The following KCNT1 variants were observed in gnomAD, a reference collection of about 807,000 sequenced individuals.
The protein encoded by KCNT1 is potassium sodium-activated channel subfamily T member 1.
Under a neutral mutation model 147.8 loss-of-function variants are expected in KCNT1, and 78 were observed. That is an observed-to-expected ratio of 0.53 (90% CI 0.44 to 0.64). The LOEUF (loss-of-function observed/expected upper bound fraction) is 0.64, where lower values mean the gene tolerates loss of function less well. Ranked by LOEUF, KCNT1 falls within the 30% of genes least tolerant of loss-of-function variation. KCNT1 has a pLI of 0.00. For missense variants in KCNT1, 1,419 were observed against 1,750.3 expected (o/e 0.81, Z 3.38); for synonymous variants, 867 against 748.8 (o/e 1.16, Z -2.58).
intron 2 of KCNT1, among the ~76,000 whole-genome samples, chr9:135,743,896 C>T (rs1203413238): frequency 1.3e-5 from 2 of 152,268 alleles, no homozygotes; most frequent in Admixed American, 6.5e-5. Flanking sequence ...TGTGCCCTTT[C>T]TGGGCCCTTG....
intron 30 of KCNT1, 57 bp from the exon 31 acceptor site, chr9:135,791,984 C>T (rs1416943033): frequency 8.7e-6 from 14 of 1,605,772 alleles, no homozygotes; most frequent in Non-Finnish European, 1.1e-5. Flanking sequence ...CAGCAGAGGG[C>T]TGAGCAGGGG....
intron 5 of KCNT1, 47 bp downstream of exon 5, chr9:135,754,040 G>A (rs750884445): frequency 5.7e-6 from 9 of 1,566,356 alleles, no homozygotes; most frequent in Non-Finnish European, 7.0e-6. Flanking sequence ...CAGAGGCCTG[G>A]GACCAGGGTG....
intron 24 of KCNT1, 145 bp downstream of exon 24, chr9:135,779,615 G>A: frequency 3.1e-6 from 2 of 647,788 alleles, no homozygotes; most frequent in Non-Finnish European, 5.4e-6. Context: ...TGGCGTGGGG[G>A]GCCCAGCATG....
In KCNT1 at chr9:135,795,483, C is replaced by G. The variant is rs1375788882; in HGVS notation, c.*3322C>G. The G allele has an allele frequency of 6.6e-6, 1 of 152,110 alleles. No individual in the cohort carries two copies. Among genetic ancestry groups the G allele is most frequent in the African/African-American group, 2.4e-5 (1 of 41,424 alleles). The allele number at this position is 152,110 out of a possible 1,614,324, so 9.4% of individuals were successfully genotyped here. A position where few individuals can be genotyped will look rare whatever the true frequency, so the allele number is the denominator to read the frequency against. On this transcript the variant is annotated 3_prime_UTR_variant, in exon 31 of 31. Transcript: ENST00000371757. Reference sequence around the variant, plus strand: ...AACAAAAAAGAAAAAGAAAATAAAACTGTTTGCTCAAAATCAGAATACCAA... The same window carrying G: ...AACAAAAAAGAAAAAGAAAATAAAAGTGTTTGCTCAAAATCAGAATACCAA...
intron 2 of KCNT1, among the ~76,000 whole-genome samples, chr9:135,715,478 G>A (rs1835685898): frequency 6.6e-6 from 1 of 151,024 alleles, no homozygotes; most frequent in Admixed American, 6.6e-5. Flanking sequence ...GGAGCCCGCG[G>A]GGGCTTCAGG....
At position 135,714,407 on chromosome 9, in the gene KCNT1, G is replaced by GC. The variant is rs1320206305; in HGVS notation, c.111-165dup. 1 of 179,022 alleles carries GC rather than the reference G, an allele frequency of 5.6e-6. No individual in the cohort carries two copies. The highest frequency in any genetic ancestry group is 1.1e-5 in the Non-Finnish European group (1 of 94,934). 11.1% of individuals were successfully genotyped at this position (179,022 alleles called of 1,614,324 possible). On this transcript the variant is annotated intron_variant, in intron 1 of 30. Coordinates refer to ENST00000371757, the MANE Select transcript of KCNT1 (RefSeq NM_020822.3). This position sits in a 1 kb window ranked among gnomAD's most constrained non-coding sequence, Gnocchi z 6.2. ...CAGCCCGGCGCAGCCGGTCCCGCGC[G>GC]CCCCCGCCCGCATGTGCCGCCAGGC...
At chr9:135,712,518 G>A (rs1032441439) in intron 1 of KCNT1, among the ~76,000 whole-genome samples, 3 of 152,102 alleles carry the variant, frequency 2.0e-5, no homozygotes, top group Non-Finnish European at 4.4e-5. Flanking sequence ...ACCTGAACCA[G>A]CTTCAACAGG....
rs1376011545 is a variant in KCNT1 at position 135,757,392 on chromosome 9, G to A, written c.759+11G>A. On this transcript the variant is annotated intron_variant, in intron 9 of 30. Coordinates refer to ENST00000371757, the MANE Select transcript of KCNT1 (RefSeq NM_020822.3). The stretch of plus-strand genomic sequence containing the variant: ...CTGGAAAACATGATTGTAAGCCGGG[G>A]CGGGGGGTGCAGCTGGGACTTGGGG... 2 of 1,605,020 alleles carry A rather than the reference G, an allele frequency of 1.2e-6. No homozygotes were observed. Among genetic ancestry groups the A allele is most frequent in the Non-Finnish European group, 1.7e-6 (2 of 1,179,538 alleles).
intron 13 of KCNT1, among the ~76,000 whole-genome samples, chr9:135,766,371 CCATCCAGGGTGGAT>C (rs1446459705): frequency 6.6e-6 from 1 of 150,692 alleles, no homozygotes; most frequent in Non-Finnish European, 1.5e-5. Context: ...CTAGGGTGGA[CCATCCAGGGTGGAT>C]CATCTGGGGT....
At chr9:135,753,856 C>T in intron 4 of KCNT1, 81 bp from the exon 5 acceptor site, 2 of 1,483,392 alleles carry the variant, frequency 1.3e-6, no homozygotes, top group Non-Finnish European at 1.9e-6. Context: ...TGAACCCGAG[C>T]CTGTGGAAGC....
chr9:135,733,224 C>T (rs1588281239), intron 2 of KCNT1, among the ~76,000 whole-genome samples: 1 of 125,490 alleles, frequency 8.0e-6, no homozygotes, highest in South Asian at 2.9e-4. Flanking sequence ...CACCTGCCCC[C>T]ACAACTGCCC....
Position 135,770,853 on chromosome 9 carries a change from C to G in KCNT1, c.1770-4C>G, listed in dbSNP as rs1422786351. The G allele has an allele frequency of 6.4e-7, 1 of 1,562,988 alleles. No individual in the cohort carries two copies. The highest frequency in any genetic ancestry group is 1.9e-5 in the Admixed American group (1 of 52,406). Reference sequence around the variant, plus strand: ...TACCTGAAGTTGCCGGTGCCTCTGCCCAGGTATGGCGTGTGCCTCATCGGG... The same window carrying G: ...TACCTGAAGTTGCCGGTGCCTCTGCGCAGGTATGGCGTGTGCCTCATCGGG... On this transcript the variant is annotated splice_region_variant and splice_polypyrimidine_tract_variant and intron_variant, in intron 17 of 30. Transcript: ENST00000371757.
Position 135,772,635 on chromosome 9 carries a change from G to A in KCNT1, c.2009-80G>A. 3 of 1,070,824 alleles carry A rather than the reference G, an allele frequency of 2.8e-6. No individual in the cohort carries two copies. The South Asian group carries it at 7.1e-5, about 25-fold the overall frequency. The allele number at this position is 1,070,824 out of a possible 1,614,324, so 66.3% of individuals were successfully genotyped here. ...CATGACAGGGTCTCCAGAGCTGACTGTGTTCACCTGAGCTCTGGGAACTCG... is the reference window on the plus strand; with the variant it reads ...CATGACAGGGTCTCCAGAGCTGACTATGTTCACCTGAGCTCTGGGAACTCG... On this transcript the variant is annotated intron_variant, in intron 18 of 30. Coordinates refer to ENST00000371757, the MANE Select transcript of KCNT1 (RefSeq NM_020822.3).
intron 22 of KCNT1, 30 bp downstream of exon 22, chr9:135,778,525 G>A (rs1833344813): frequency 6.2e-7 from 1 of 1,600,442 alleles, no homozygotes; most frequent in Non-Finnish European, 8.5e-7. Flanking sequence ...GGCTCGTGGG[G>A]GCTCCACACC....
chr9:135,765,710 C>T lies in KCNT1; in HGVS notation c.1287C>T (p.Val429=), dbSNP rs760520000. 7 of 1,602,746 alleles carry T rather than the reference C, an allele frequency of 4.4e-6. No individual in the cohort carries two copies. The highest frequency in any genetic ancestry group is 5.1e-6 in the Non-Finnish European group (6 of 1,173,780). Residue 429 remains valine (V), a synonymous_variant, in exon 13 of 31, where the codon GTC becomes GTT. Transcript: ENST00000371757. The part of the protein sequence containing the change: ...VLQIPLWSQR[V]IYLQGSALKD... Reference sequence around the variant, plus strand: ...AGATCCCTCTGTGGTCCCAGCGGGTCATCTACCTCCAGGGCTCTGCACTCA... The same window carrying T: ...AGATCCCTCTGTGGTCCCAGCGGGTTATCTACCTCCAGGGCTCTGCACTCA...
In KCNT1 at chr9:135,735,159, C is replaced by T. The variant is rs73667698; in HGVS notation, c.255-14939C>T. Among the ~76,000 whole-genome samples the T allele has an allele frequency of 5.5e-3, 844 of 152,312 alleles. 7 individuals carry two copies. The highest frequency in any genetic ancestry group is 0.017 in the African/African-American group (725 of 41,572). ...TCTCCCCTGGGGTAGACCCGAGCCA[C>T]GACAGGCAGCCAGGGCGACATGCAT... On this transcript the variant is annotated intron_variant, in intron 2 of 30. Coordinates refer to ENST00000371757, the MANE Select transcript of KCNT1 (RefSeq NM_020822.3).
chr9:135,720,010 A>G (rs1355516721), intron 2 of KCNT1, among the ~76,000 whole-genome samples: 1 of 152,140 alleles, frequency 6.6e-6, no homozygotes, highest in Non-Finnish European at 1.5e-5. Context: ...GTGGACCACA[A>G]ACAGGGCCCG....
intron 4 of KCNT1, chr9:135,752,000 G>A (rs1831204492): frequency 9.8e-6 from 2 of 203,496 alleles, no homozygotes; most frequent in African/African-American, 4.7e-5. Flanking sequence ...CCCATCTGCT[G>A]GGCCTGTTTC....
At chr9:135,788,293 C>G (rs1588413244) in intron 29 of KCNT1, 1 of 784,222 alleles carries the variant, frequency 1.3e-6, no homozygotes, top group Non-Finnish European at 2.2e-6. Context: ...CAGGTGTCAG[C>G]CCAGGCGGCC....
Sources: allele counts gnomAD v4.1 joint callset (sites outside exome capture counted in the v4.1 genomes callset), GRCh38; gene constraint gnomAD v4.1.1; non-coding constraint Gnocchi (gnomAD v3.1); transcripts MANE v1.5; gene names NCBI Gene and HGNC (gene_info 2026-07-23, HGNC 2026-07-21).